Variants in HS6ST3 observed in about 807,000 individuals in gnomAD.
HS6ST3 encodes heparan sulfate 6-O-sulfotransferase 3.
In HS6ST3, 12 loss-of-function variants were observed where a neutral mutation model predicts 36.7. The observed-to-expected ratio is 0.33, with a 90% CI of 0.21 to 0.53. HS6ST3 has a LOEUF of 0.53. Ranked by LOEUF, HS6ST3 falls within the 20% of genes least tolerant of loss-of-function variation. HS6ST3 has a pLI of 0.95. For synonymous variants in HS6ST3, 240 were observed against 257.5 expected (o/e 0.93, Z 0.65); for missense variants, 584 against 640.9 (o/e 0.91, Z 0.96).
At chr13:96,302,811 A>G (rs1189307960) in intron 1 of HS6ST3, among the ~76,000 whole-genome samples, 1 of 152,198 alleles carries the variant, frequency 6.6e-6, no homozygotes, top group Non-Finnish European at 1.5e-5. Flanking sequence ...AAGTTTGCTA[A>G]GCTAGATGAT....
chr13:96,492,477 G>A (rs918112936), intron 1 of HS6ST3, among the ~76,000 whole-genome samples: 1 of 152,208 alleles, frequency 6.6e-6, no homozygotes, highest in South Asian at 2.1e-4. Flanking sequence ...TATCTTTCAA[G>A]TCCCCCTTAG....
intron 1 of HS6ST3, among the ~76,000 whole-genome samples, chr13:96,666,581 A>C (rs1448521092): frequency 6.6e-6 from 1 of 152,030 alleles, no homozygotes; most frequent in Non-Finnish European, 1.5e-5. Context: ...TTCTCTTTAC[A>C]ATTGCTCTCA....
In HS6ST3 at chr13:96,633,099, C is replaced by T. The variant is rs1594822963; in HGVS notation, c.708-199391C>T. ...GCAGAATTGGCAGTGTGCCTCACCC[C>T]TGCAGTGAGTGAAAACATGGAGGAG... On this transcript the variant is annotated intron_variant, in intron 1 of 1. Coordinates refer to ENST00000376705, the MANE Select transcript of HS6ST3 (RefSeq NM_153456.4). 2.0e-5 allele frequency among the ~76,000 whole-genome samples: 3 copies of T among 152,266 alleles called. 1 individual carries two copies.
chr13:96,472,394 G>T (rs537780361), intron 1 of HS6ST3, among the ~76,000 whole-genome samples: 1 of 152,148 alleles, frequency 6.6e-6, no homozygotes, highest in Non-Finnish European at 1.5e-5. Flanking sequence ...TCTCTGTTGA[G>T]CATAGCATAT....
chr13:96,318,386 G>C (rs1057049235), intron 1 of HS6ST3, among the ~76,000 whole-genome samples: 1 of 152,092 alleles, frequency 6.6e-6, no homozygotes, highest in Admixed American at 6.5e-5. Flanking sequence ...ACAAAAATTA[G>C]CCAGGTATGG....
At chr13:96,548,911 T>A (rs1215600603) in intron 1 of HS6ST3, among the ~76,000 whole-genome samples, 1 of 152,190 alleles carries the variant, frequency 6.6e-6, no homozygotes. Context: ...TGTGGAAGTA[T>A]ACAGAATCAT....
At position 96,091,804 on chromosome 13, in the gene HS6ST3, A is replaced by G. The variant is rs376664253; in HGVS notation, c.707+235A>G. Reference sequence around the variant, plus strand: ...CGCCACCCCTCTGCCTTCACCCTCTAAGATGTGCGGAGCCACCGTGTGGAT... The same window carrying G: ...CGCCACCCCTCTGCCTTCACCCTCTGAGATGTGCGGAGCCACCGTGTGGAT... On this transcript the variant is annotated intron_variant, in intron 1 of 1. Coordinates refer to ENST00000376705, the MANE Select transcript of HS6ST3 (RefSeq NM_153456.4). Among the ~76,000 whole-genome samples, 12 of 152,018 alleles carry G rather than the reference A, an allele frequency of 7.9e-5. 1 individual carries two copies. The South Asian group carries it at 2.3e-3, about 29-fold the overall frequency.
At chr13:96,281,165 C>T (rs1386497799) in intron 1 of HS6ST3, among the ~76,000 whole-genome samples, 3 of 152,066 alleles carry the variant, frequency 2.0e-5, no homozygotes, top group Non-Finnish European at 4.4e-5. Flanking sequence ...GCCACCACAC[C>T]CAGCTAATTT....
intron 1 of HS6ST3, among the ~76,000 whole-genome samples, chr13:96,342,439 C>G (rs1326399086): frequency 2.0e-5 from 3 of 152,210 alleles, no homozygotes; most frequent in Non-Finnish European, 4.4e-5. Context: ...TCCCAAAACA[C>G]ATTCATAGAG....
chr13:96,338,408 C>A (rs1304890448), intron 1 of HS6ST3, among the ~76,000 whole-genome samples: 1 of 152,176 alleles, frequency 6.6e-6, no homozygotes, highest in Non-Finnish European at 1.5e-5. Context: ...TCACTTATCC[C>A]TGGTGTACTG....
intron 1 of HS6ST3, among the ~76,000 whole-genome samples, chr13:96,342,493 G>A (rs577798670): frequency 3.3e-5 from 5 of 152,202 alleles, no homozygotes; most frequent in East Asian, 1.9e-4. Context: ...ACATTCTGTC[G>A]CACATTTGTT....
chr13:96,833,430 C>A lies in HS6ST3; in HGVS notation c.*232C>A, dbSNP rs1020226784. ...ATATTAAGTAGGGTAGGAGTGCATC[C>A]CATATAGGCCATTTTAGAAGGCCAA... On this transcript the variant is annotated 3_prime_UTR_variant, in exon 2 of 2. Transcript: ENST00000376705. The A allele has an allele frequency of 8.8e-6, 4 of 453,174 alleles. No homozygotes were observed. The highest frequency in any genetic ancestry group is 1.6e-5 in the Non-Finnish European group (4 of 257,716). 28.1% of individuals were successfully genotyped at this position (453,174 alleles called of 1,614,324 possible). A position where few individuals can be genotyped will look rare whatever the true frequency, so the allele number is the denominator to read the frequency against.
intron 1 of HS6ST3, among the ~76,000 whole-genome samples, chr13:96,321,997 G>GA (rs34643797): frequency 0.14 from 20,715 of 145,674 alleles, 1,617 homozygotes; most frequent in African/African-American, 0.22. Flanking sequence ...TGACTTCACT[G>GA]AAAAAAAAAA....
intron 1 of HS6ST3, among the ~76,000 whole-genome samples, chr13:96,411,507 G>A (rs952425603): frequency 1.3e-5 from 2 of 152,132 alleles, no homozygotes; most frequent in African/African-American, 4.8e-5. Flanking sequence ...CGAGGTTTTG[G>A]GGAAGTAGTA....
chr13:96,305,750 T>G (rs2054909092), intron 1 of HS6ST3, among the ~76,000 whole-genome samples: 1 of 152,156 alleles, frequency 6.6e-6, no homozygotes, highest in African/African-American at 2.4e-5. Context: ...ATGTATATAT[T>G]ATACCTTGGG....
At chr13:96,360,874 A>T (rs1193130891) in intron 1 of HS6ST3, among the ~76,000 whole-genome samples, 1 of 148,644 alleles carries the variant, frequency 6.7e-6, no homozygotes, top group African/African-American at 2.5e-5. Flanking sequence ...TGAACTTGGG[A>T]GGCGGAGGTT....
intron 1 of HS6ST3, among the ~76,000 whole-genome samples, chr13:96,429,639 T>C (rs1027918502): frequency 6.6e-6 from 1 of 152,218 alleles, no homozygotes; most frequent in Non-Finnish European, 1.5e-5. Context: ...GTGGTGTTAT[T>C]TGAAGTCCAG....
chr13:96,615,154 A>C (rs2056469799), intron 1 of HS6ST3, among the ~76,000 whole-genome samples: 1 of 152,202 alleles, frequency 6.6e-6, no homozygotes. Flanking sequence ...ATGGAATGAA[A>C]AAAACCACAA....
At chr13:96,467,121 T>A (rs2055818065) in intron 1 of HS6ST3, among the ~76,000 whole-genome samples, 1 of 152,182 alleles carries the variant, frequency 6.6e-6, no homozygotes, top group Non-Finnish European at 1.5e-5. Context: ...TGTCTCTGAG[T>A]CAGCTCTGCT....
Sources: allele counts gnomAD v4.1 joint callset (sites outside exome capture counted in the v4.1 genomes callset), GRCh38; gene constraint gnomAD v4.1.1; transcripts MANE v1.5; gene names NCBI Gene and HGNC (gene_info 2026-07-23, HGNC 2026-07-21).